The following VPS13A variants were observed in gnomAD, a reference collection of about 807,000 sequenced individuals.
VPS13A encodes the protein vacuolar protein sorting 13 homolog A.
Under a neutral mutation model 390.9 loss-of-function variants are expected in VPS13A, and 264 were observed. That is an observed-to-expected ratio of 0.68 (90% CI 0.61 to 0.75). The LOEUF is 0.75. Ranked by LOEUF, VPS13A falls within the 30% of genes least tolerant of loss-of-function variation. The pLI is 0.00. For synonymous variants in VPS13A, 1,231 were observed against 1,227.1 expected (o/e 1.00, Z -0.07); for missense variants, 3,409 against 3,733.9 (o/e 0.91, Z 2.27).
chr9:77,315,827 A>G (rs1829350259), intron 38 of VPS13A, among the ~76,000 whole-genome samples: 1 of 152,034 alleles, frequency 6.6e-6, no homozygotes, highest in African/African-American at 2.4e-5. Context: ...TAAAGCACTC[A>G]TTTATTTTTG....
chr9:77,300,295 C>A (rs946029783), intron 33 of VPS13A, among the ~76,000 whole-genome samples: 1 of 152,048 alleles, frequency 6.6e-6, no homozygotes. Flanking sequence ...TGATTGATAT[C>A]TTTATTACAT....
At chr9:77,192,938 C>T (rs1824770552) in intron 1 of VPS13A, among the ~76,000 whole-genome samples, 1 of 152,134 alleles carries the variant, frequency 6.6e-6, no homozygotes. Flanking sequence ...AATATGTTTC[C>T]AAGTTGCTTG....
rs143360471 is a variant in VPS13A, at chr9:77,408,613, G to A, written c.9474+1006G>A. On this transcript the variant is annotated intron_variant, in intron 71 of 71. Transcript: ENST00000360280. ...CACCCTAATACTGTGCTTTTCCAACGGTCTTAGCAACCGGCACACCAGGAG... is the reference window on the plus strand; with the variant it reads ...CACCCTAATACTGTGCTTTTCCAACAGTCTTAGCAACCGGCACACCAGGAG... 9.6e-3 allele frequency among the ~76,000 whole-genome samples: 1,465 copies of A among 152,346 alleles called. 43 individuals carry two copies. Among genetic ancestry groups the A allele is most frequent in the Admixed American group, 0.066 (1,009 of 15,306 alleles).
At chr9:77,268,131 T>C (rs74732849) in intron 23 of VPS13A, among the ~76,000 whole-genome samples, 3,511 of 152,316 alleles carry the variant, frequency 0.023, 112 homozygotes, top group East Asian at 0.12. Context: ...CAAGACTGGC[T>C]TCAGCCCCCT....
intron 21 of VPS13A, among the ~76,000 whole-genome samples, chr9:77,251,669 C>T (rs560959207): frequency 6.6e-6 from 1 of 151,974 alleles, no homozygotes; most frequent in Non-Finnish European, 1.5e-5. Flanking sequence ...TTTTTATTGT[C>T]TATATTATGC....
chr9:77,402,816 T>C (rs1366019065), intron 68 of VPS13A, among the ~76,000 whole-genome samples: 2 of 152,178 alleles, frequency 1.3e-5, no homozygotes, highest in South Asian at 2.1e-4. Context: ...CATACGAAAT[T>C]TCTAGCGCAA....
At chr9:77,399,182 AAAAAAAAAAAAAAAAAAAAAAAAC>A (rs1834256516) in intron 68 of VPS13A, among the ~76,000 whole-genome samples, 4 of 66,654 alleles carry the variant, frequency 6.0e-5, no homozygotes, top group East Asian at 7.3e-4. Context: ...AAAAAAAAAT[AAAAAAAAAAAAAAAAAAAAAAAAC>A]AAAGGATACG....
intron 2 of VPS13A, 106 bp from the exon 3 acceptor site, chr9:77,201,259 T>C: frequency 1.3e-6 from 1 of 756,200 alleles, no homozygotes; most frequent in East Asian, 2.6e-5. Flanking sequence ...TGTGTAAGTT[T>C]ATTAAAAAAT....
chr9:77,298,251 G>T (rs1478115435), intron 33 of VPS13A, among the ~76,000 whole-genome samples: 2 of 152,196 alleles, frequency 1.3e-5, no homozygotes, highest in African/African-American at 2.4e-5. Context: ...ATGCACATAG[G>T]TGATGTTGTT....
At chr9:77,208,662 G>T (rs1261739537) in intron 5 of VPS13A, among the ~76,000 whole-genome samples, 1 of 151,850 alleles carries the variant, frequency 6.6e-6, no homozygotes, top group Non-Finnish European at 1.5e-5. Context: ...CGATTCTCCT[G>T]CCTCAGCCTC....
chr9:77,317,862 CATTTT>C (rs1380120945), intron 40 of VPS13A, among the ~76,000 whole-genome samples, 164 bp downstream of exon 40: 1 of 151,810 alleles, frequency 6.6e-6, no homozygotes, highest in East Asian at 1.9e-4. Context: ...ATTTAATACA[CATTTT>C]ATGAATGTTA....
In VPS13A at chr9:77,411,660, C is replaced by CAAA. The variant is rs1169254413; in HGVS notation, c.9474+4076_9474+4078dup. Among the ~76,000 whole-genome samples, 31 of 33,910 alleles carry CAAA rather than the reference C, an allele frequency of 9.1e-4. 1 individual carries two copies. The highest frequency in any genetic ancestry group is 0.024 in the Middle Eastern group (1 of 42). 22.2% of individuals were successfully genotyped at this position (33,910 alleles called of 152,430 possible). On this transcript the variant is annotated intron_variant, in intron 71 of 71. Transcript: ENST00000360280. ...CCTAGGCAACAGCAAAACTCCATCT[C>CAAA]AAAAAAAAAAAAAAAAAAAAAAAAA...
chr9:77,355,305 TTAA>T (rs1831713438), intron 54 of VPS13A, among the ~76,000 whole-genome samples: 1 of 152,202 alleles, frequency 6.6e-6, no homozygotes, highest in South Asian at 2.1e-4. Context: ...CGGTCTTTAC[TTAA>T]TAACATTTAA....
chr9:77,421,429 T>C lies in VPS13A; in HGVS notation c.*5423T>C, dbSNP rs1835336515. Reference sequence around the variant, plus strand: ...GTTGGCCATGCTCACTAATGATTTTTTTTCTTAACAATAAGCATTTCTTGG... The same window carrying C: ...GTTGGCCATGCTCACTAATGATTTTCTTTCTTAACAATAAGCATTTCTTGG... On this transcript the variant is annotated 3_prime_UTR_variant, in exon 72 of 72. Coordinates refer to ENST00000360280, the MANE Select transcript of VPS13A (RefSeq NM_033305.3). The C allele has an allele frequency of 6.6e-6, 1 of 152,236 alleles. No individual in the cohort carries two copies. The highest frequency in any genetic ancestry group is 2.1e-4 in the South Asian group (1 of 4,828). The allele number at this position is 152,236 out of a possible 1,614,324, so 9.4% of individuals were successfully genotyped here.
chr9:77,309,991 A>C (rs913931083), intron 35 of VPS13A, among the ~76,000 whole-genome samples: 4 of 152,164 alleles, frequency 2.6e-5, no homozygotes, highest in Non-Finnish European at 4.4e-5. Flanking sequence ...CCTGGATGGT[A>C]GAAGACAATG....
intron 67 of VPS13A, among the ~76,000 whole-genome samples, chr9:77,373,068 A>G (rs1832871817): frequency 6.6e-6 from 1 of 152,178 alleles, no homozygotes; most frequent in South Asian, 2.1e-4. Context: ...GCCCAAGGTA[A>G]TTTACAGATT....
At chr9:77,270,106 T>C (rs754167014) in intron 23 of VPS13A, among the ~76,000 whole-genome samples, 3 of 152,192 alleles carry the variant, frequency 2.0e-5, no homozygotes, top group Non-Finnish European at 2.9e-5. Flanking sequence ...CAATCTCATA[T>C]ACGTTTTGGT....
At chr9:77,396,211 G>T (rs1834113751) in intron 68 of VPS13A, among the ~76,000 whole-genome samples, 1 of 152,098 alleles carries the variant, frequency 6.6e-6, no homozygotes, top group Non-Finnish European at 1.5e-5. Flanking sequence ...TCCTTCTCCA[G>T]GCTTTTGGTT....
At chr9:77,266,396 T>TA (rs1298828827) in intron 23 of VPS13A, among the ~76,000 whole-genome samples, 2 of 152,174 alleles carry the variant, frequency 1.3e-5, no homozygotes, top group Non-Finnish European at 2.9e-5. Flanking sequence ...AGTGGGGTGT[T>TA]AAAGTCTCCT....
Sources: gnomAD v4.1 joint callset for allele counts (sites outside exome capture counted in the v4.1 genomes callset) on GRCh38, gnomAD v4.1.1 for gene constraint, MANE v1.5 for transcripts, NCBI Gene and HGNC (gene_info 2026-07-23, HGNC 2026-07-21) for gene names.